The following LRRC7 variants were observed in gnomAD, a reference collection of about 807,000 sequenced individuals.
LRRC7 encodes leucine rich repeat containing 7.
A neutral mutation model predicts 175.7 loss-of-function variants in LRRC7; 23 were observed. That is an observed-to-expected ratio of 0.13 (90% CI 0.09 to 0.19). The LOEUF (loss-of-function observed/expected upper bound fraction) is 0.19, where lower values mean the gene tolerates loss of function less well. Among genes scored for constraint, LRRC7 ranks in the 10% least tolerant of loss-of-function variants. The pLI is 1.00. For missense variants in LRRC7, 1,354 were observed against 1,904.7 expected (o/e 0.71, Z 5.38); for synonymous variants, 685 against 680.9 (o/e 1.01, Z -0.09).
intron 4 of LRRC7, among the ~76,000 whole-genome samples, chr1:69,812,220 T>TCGCC (rs1677977654): frequency 6.6e-6 from 1 of 152,156 alleles, no homozygotes; most frequent in African/African-American, 2.4e-5. Context: ...AAATGCTGCA[T>TCGCC]CGCCAGTCTT....
At chr1:69,901,932 G>T (rs138715993) in intron 7 of LRRC7, among the ~76,000 whole-genome samples, 1 of 152,096 alleles carries the variant, frequency 6.6e-6, no homozygotes, top group African/African-American at 2.4e-5. Flanking sequence ...ATAGTACTCT[G>T]ACTTCTGGGT....
intron 8 of LRRC7, among the ~76,000 whole-genome samples, chr1:69,959,788 AAAC>A (rs1650863201): frequency 6.6e-6 from 1 of 152,016 alleles, no homozygotes; most frequent in Non-Finnish European, 1.5e-5. Context: ...CGGTCTTAGA[AAAC>A]AACATTTGTG....
At chr1:69,772,930 G>C (rs1430844572) in intron 3 of LRRC7, among the ~76,000 whole-genome samples, 1 of 152,196 alleles carries the variant, frequency 6.6e-6, no homozygotes, top group South Asian at 2.1e-4. Context: ...TAAGAGGATA[G>C]AGGAGAGACC....
At chr1:69,928,057 G>T (rs1333570245) in intron 7 of LRRC7, among the ~76,000 whole-genome samples, 9 of 152,294 alleles carry the variant, frequency 5.9e-5, no homozygotes, top group African/African-American at 1.9e-4. Context: ...GTTGGAGTTT[G>T]CTAGAGGTCC....
intron 1 of LRRC7, among the ~76,000 whole-genome samples, chr1:69,666,778 T>G (rs939929080): frequency 1.3e-5 from 2 of 152,094 alleles, no homozygotes; most frequent in Non-Finnish European, 1.5e-5. Context: ...TCATTGATAT[T>G]TCATATTGTT....
intron 4 of LRRC7, among the ~76,000 whole-genome samples, chr1:69,804,255 A>G (rs1344587224): frequency 6.6e-6 from 1 of 151,406 alleles, no homozygotes; most frequent in Non-Finnish European, 1.5e-5. Flanking sequence ...TGCTTGTAAT[A>G]AAAATATATA....
Position 70,125,370 on chromosome 1 carries a change from G to A in LRRC7, c.*3483G>A, listed in dbSNP as rs938724429. 8.5e-5 allele frequency among the ~76,000 whole-genome samples: 13 copies of A among 152,194 alleles called. No individual in the cohort carries two copies. The highest frequency in any genetic ancestry group is 1.2e-4 in the African/African-American group (5 of 41,444). On this transcript the variant is annotated 3_prime_UTR_variant, in exon 27 of 27. Transcript: ENST00000651989. ...ACCTTGGATCACGACCTTTGAGATG[G>A]AAAACAGCTTTGAGGAGAGACTGAC...
At chr1:70,020,625 T>C (rs1401950563) in intron 15 of LRRC7, among the ~76,000 whole-genome samples, 2 of 152,042 alleles carry the variant, frequency 1.3e-5, no homozygotes, top group African/African-American at 2.4e-5. Flanking sequence ...TTAAAACTCA[T>C]TAGTAAAGTA....
At chr1:69,575,810 G>A (rs1557657235) in intron 1 of LRRC7, among the ~76,000 whole-genome samples, 1 of 152,054 alleles carries the variant, frequency 6.6e-6, no homozygotes, top group Admixed American at 6.6e-5. Context: ...AAAACAAGGA[G>A]GACTTTAAGT....
chr1:69,978,932 GAAA>G (rs3069189), intron 8 of LRRC7, among the ~76,000 whole-genome samples: 58 of 126,132 alleles, frequency 4.6e-4, no homozygotes, highest in African/African-American at 1.6e-3. Flanking sequence ...GTTTCAGTTA[GAAA>G]AAAAAAAAAA....
intron 1 of LRRC7, among the ~76,000 whole-genome samples, chr1:69,657,111 TG>T (rs1656714967): frequency 6.6e-6 from 1 of 151,426 alleles, no homozygotes; most frequent in African/African-American, 2.4e-5. Context: ...ACTTATATTG[TG>T]TGTGTGTGTA....
chr1:69,654,716 G>T (rs1254224952), intron 1 of LRRC7, among the ~76,000 whole-genome samples: 1 of 151,952 alleles, frequency 6.6e-6, no homozygotes, highest in African/African-American at 2.4e-5. Flanking sequence ...CTGCTATTAG[G>T]TTTCAAGGGA....
intron 1 of LRRC7, among the ~76,000 whole-genome samples, chr1:69,637,856 G>A (rs544034723): frequency 6.6e-6 from 1 of 151,950 alleles, no homozygotes; most frequent in East Asian, 1.9e-4. Flanking sequence ...AATTTCTTAA[G>A]CCTAGTGCAG....
At chr1:69,690,590 G>T (rs1418892755) in intron 2 of LRRC7, among the ~76,000 whole-genome samples, 1 of 152,116 alleles carries the variant, frequency 6.6e-6, no homozygotes, top group Non-Finnish European at 1.5e-5. Context: ...CCTTCCTTAT[G>T]AAAGCTTCCC....
At chr1:69,889,281 T>G (rs1645758151) in intron 7 of LRRC7, among the ~76,000 whole-genome samples, 1 of 152,164 alleles carries the variant, frequency 6.6e-6, no homozygotes, top group Non-Finnish European at 1.5e-5. Flanking sequence ...GACTCTTCCT[T>G]TCATGAAAGA....
intron 14 of LRRC7, among the ~76,000 whole-genome samples, chr1:70,018,376 T>C (rs1445059708): frequency 6.6e-6 from 1 of 152,004 alleles, no homozygotes; most frequent in Non-Finnish European, 1.5e-5. Flanking sequence ...AGGGCAATAA[T>C]CCATGAAAAT....
intron 11 of LRRC7, among the ~76,000 whole-genome samples, chr1:69,996,880 G>T (rs534929155): frequency 2.6e-5 from 4 of 151,938 alleles, no homozygotes; most frequent in African/African-American, 9.7e-5. Flanking sequence ...TTGGCAATGC[G>T]GGCTCTTTTT....
chr1:69,826,774 G>T (rs1263582923), intron 5 of LRRC7, among the ~76,000 whole-genome samples: 1 of 152,108 alleles, frequency 6.6e-6, no homozygotes, highest in Admixed American at 6.6e-5. Flanking sequence ...GACATTTAAT[G>T]GATGGAGTAT....
chr1:69,762,383 G>A (rs75228447), intron 3 of LRRC7, among the ~76,000 whole-genome samples: 2,469 of 152,112 alleles, frequency 0.016, 43 homozygotes, highest in Middle Eastern at 0.058. Flanking sequence ...AGCATTAGAG[G>A]CAAGTGCTCG....
Sources: gnomAD v4.1 joint callset for allele counts (sites outside exome capture counted in the v4.1 genomes callset) on GRCh38, gnomAD v4.1.1 for gene constraint, MANE v1.5 for transcripts, NCBI Gene and HGNC (gene_info 2026-07-23, HGNC 2026-07-21) for gene names.